The following ARFIP1 variants were observed in gnomAD, a reference collection of about 807,000 sequenced individuals.
ARFIP1 encodes the protein ARF interacting protein 1, also known as arfaptin-1.
A neutral mutation model predicts 42.5 loss-of-function variants in ARFIP1; 24 were observed. The observed-to-expected ratio is 0.57, with a 90% CI of 0.41 to 0.80. ARFIP1 has a LOEUF of 0.80. Ranked by LOEUF, ARFIP1 falls within the 30% of genes least tolerant of loss-of-function variation. The pLI, the probability that ARFIP1 is intolerant of heterozygous loss-of-function variation, is 0.00. For synonymous variants in ARFIP1, 141 were observed against 153.7 expected, an observed-to-expected ratio of 0.92 and a Z score of 0.61; for missense variants, 354 against 434.0, an observed-to-expected ratio of 0.82 and a Z score of 1.64.
chr4:152,804,701 G>T (rs1432929236), intron 1 of ARFIP1, among the ~76,000 whole-genome samples: 1 of 150,894 alleles, frequency 6.6e-6, no homozygotes, highest in East Asian at 1.9e-4. Flanking sequence ...TGTGAAATAG[G>T]AATAATAATG....
At chr4:152,872,319 T>G (rs1223528697) in intron 4 of ARFIP1, 133 bp from the exon 5 acceptor site, 3 of 608,632 alleles carry the variant, frequency 4.9e-6, no homozygotes, top group Non-Finnish European at 8.4e-6. Flanking sequence ...AAGTTCTAGT[T>G]CTTTACTTTG....
At chr4:152,867,363 G>A (rs1734492934) in intron 3 of ARFIP1, among the ~76,000 whole-genome samples, 9 of 152,200 alleles carry the variant, frequency 5.9e-5, no homozygotes, top group Admixed American at 5.2e-4. Flanking sequence ...AGGCATGGCG[G>A]TGCGTGCCTG....
At chr4:152,804,120 A>G (rs1728683910) in intron 1 of ARFIP1, among the ~76,000 whole-genome samples, 3 of 119,914 alleles carry the variant, frequency 2.5e-5, no homozygotes, top group Non-Finnish European at 5.0e-5. Flanking sequence ...TATAACATGT[A>G]TTATATATTA....
chr4:152,896,186 A>G (rs1314682216), intron 8 of ARFIP1, among the ~76,000 whole-genome samples: 1 of 149,230 alleles, frequency 6.7e-6, no homozygotes, highest in African/African-American at 2.6e-5. Context: ...AAGAAACAGC[A>G]TATGTTGACG....
At chr4:152,795,820 A>ATTTTTTTTTTGTTTTTTTTTT (rs1731418447) in intron 1 of ARFIP1, among the ~76,000 whole-genome samples, 1 of 28,066 alleles carries the variant, frequency 3.6e-5, no homozygotes, top group South Asian at 1.7e-3. Context: ...GGCCCTTGTA[A>ATTTTTTTTTTGTTTTTTTTTT]TTTTTTTTTT....
intron 1 of ARFIP1, among the ~76,000 whole-genome samples, chr4:152,784,233 A>T (rs1056347757): frequency 6.6e-6 from 1 of 152,250 alleles, no homozygotes; most frequent in Non-Finnish European, 1.5e-5. Flanking sequence ...TGGATGTATG[A>T]AAAAGACTAT....
chr4:152,861,052 G>A (rs1253050165), intron 2 of ARFIP1, among the ~76,000 whole-genome samples: 3 of 152,272 alleles, frequency 2.0e-5, no homozygotes, highest in South Asian at 2.1e-4. Context: ...TCTAAGAATA[G>A]TTTTAAGCAA....
intron 8 of ARFIP1, among the ~76,000 whole-genome samples, chr4:152,906,983 T>C (rs1311155273): frequency 6.6e-6 from 1 of 152,248 alleles, no homozygotes; most frequent in Admixed American, 6.5e-5. Context: ...CCTTCCTATT[T>C]AATTGCAACT....
chr4:152,866,894 T>C (rs1483978862), intron 3 of ARFIP1, among the ~76,000 whole-genome samples: 1 of 144,078 alleles, frequency 6.9e-6, no homozygotes. Context: ...ACATCTCAGA[T>C]GATGGGCGGC....
In ARFIP1 at chr4:152,882,824, G is replaced by C; in HGVS notation, c.735G>C (p.Leu245Phe). The change falls in exon 7 of 9, where the codon TTG becomes TTC. Residue 245 changes from leucine to phenylalanine, a missense_variant. Leu to Phe is a conservative substitution (Grantham distance 22, BLOSUM62 0). Coordinates refer to ENST00000353617, the MANE Select transcript of ARFIP1 (RefSeq NM_001025595.3). ...TTTTCATTGCTAGTGTGAACACTTT[G>C]GTGAATAAAACCATTGAAGATACAT... ...INFFIASVNT[L>F]VNKTIEDTLM... The C allele has an allele frequency of 1.2e-6, 2 of 1,611,372 alleles. No homozygotes were observed. Among genetic ancestry groups the C allele is most frequent in the Non-Finnish European group, 8.5e-7 (1 of 1,178,964 alleles).
intron 1 of ARFIP1, among the ~76,000 whole-genome samples, chr4:152,813,137 T>TA (rs1489796455): frequency 6.6e-6 from 1 of 152,194 alleles, no homozygotes; most frequent in Admixed American, 6.5e-5. Flanking sequence ...TAAAAAATAA[T>TA]ACAGTGTAAC....
chr4:152,818,422 C>G (rs4586909), intron 1 of ARFIP1, among the ~76,000 whole-genome samples: 98,373 of 151,410 alleles, frequency 0.65, 32,082 homozygotes, highest in Admixed American at 0.72. Context: ...GGGAAGGAGC[C>G]CCATCAGGAT....
intron 2 of ARFIP1, among the ~76,000 whole-genome samples, chr4:152,845,640 A>T (rs996084286): frequency 4.6e-5 from 7 of 152,228 alleles, no homozygotes; most frequent in African/African-American, 1.4e-4. Flanking sequence ...AATCAAAACC[A>T]CAATGAGATG....
Position 152,845,010 on chromosome 4 carries a change from G to T in ARFIP1, c.93+15284G>T, listed in dbSNP as rs112045941. Among the ~76,000 whole-genome samples the T allele has an allele frequency of 5.0e-3, 760 of 152,168 alleles. 7 individuals carry two copies. Among genetic ancestry groups the T allele is most frequent in the African/African-American group, 0.017 (713 of 41,510 alleles). ...CATCATGGTACTGGTACAAAAACAG[G>T]CACATTGACCAATGAAACAGAATAG... On this transcript the variant is annotated intron_variant, in intron 2 of 8. Transcript: ENST00000353617.
chr4:152,874,151 A>T (rs1172642857), intron 5 of ARFIP1, among the ~76,000 whole-genome samples: 1 of 152,082 alleles, frequency 6.6e-6, no homozygotes, highest in Non-Finnish European at 1.5e-5. Context: ...ATGTGTTATT[A>T]TCTGCTATTC....
At chr4:152,845,066 G>A (rs1230849099) in intron 2 of ARFIP1, among the ~76,000 whole-genome samples, 1 of 152,140 alleles carries the variant, frequency 6.6e-6, no homozygotes, top group African/African-American at 2.4e-5. Context: ...CACACCTGTA[G>A]CCATCTGATT....
intron 1 of ARFIP1, among the ~76,000 whole-genome samples, chr4:152,828,377 T>G (rs754724233): frequency 6.6e-5 from 10 of 152,364 alleles, no homozygotes; most frequent in East Asian, 3.9e-4. Flanking sequence ...GCATTTGGTG[T>G]TGTCAGTGTT....
At chr4:152,892,109 G>A (rs1463076216) in intron 8 of ARFIP1, among the ~76,000 whole-genome samples, 1 of 151,892 alleles carries the variant, frequency 6.6e-6, no homozygotes, top group African/African-American at 2.4e-5. Flanking sequence ...CTCTCACTAT[G>A]TGGCCCAGGT....
chr4:152,895,653 C>T (rs532371366), intron 8 of ARFIP1, among the ~76,000 whole-genome samples: 1 of 149,640 alleles, frequency 6.7e-6, no homozygotes, highest in Non-Finnish European at 1.5e-5. Context: ...CTCTACCTCC[C>T]AGGCTCAAGC....
Sources: gnomAD v4.1 joint callset for allele counts (sites outside exome capture counted in the v4.1 genomes callset) on GRCh38, gnomAD v4.1.1 for gene constraint, MANE v1.5 for transcripts, NCBI Gene and HGNC (gene_info 2026-07-23, HGNC 2026-07-21) for gene names.